The following NXPE2 variants were observed in gnomAD, a reference collection of about 807,000 sequenced individuals.
NXPE2 encodes NXPE family member 2.
NXPE2 carries 34 observed loss-of-function variants against 34.4 expected under a neutral mutation model. The observed-to-expected ratio is 0.99, with a 90% CI of 0.75 to 1.31. The LOEUF is 1.31. NXPE2 is among the 40% of genes most tolerant of loss of function. NXPE2 has a pLI of 0.00. For missense variants in NXPE2, 649 were observed against 672.5 expected (o/e 0.97, Z 0.39); for synonymous variants, 235 against 231.3 (o/e 1.02, Z -0.15).
chr11:114,662,072 C>T, the NXPE2 span, among the ~76,000 whole-genome samples: 2 of 152,158 alleles, frequency 1.3e-5, no homozygotes, highest in African/African-American at 4.8e-5. Context: ...AAAAGAAGCA[C>T]TTTTATAAGA....
chr11:114,522,994 G>T, the NXPE2 span: 204 of 1,612,828 alleles, frequency 1.3e-4, no homozygotes, highest in African/African-American at 2.2e-3. Flanking sequence ...ACTGAACCTG[G>T]TTGCAAAATG....
chr11:114,754,836 T>A, the NXPE2 span, among the ~76,000 whole-genome samples: 1 of 152,042 alleles, frequency 6.6e-6, no homozygotes, highest in African/African-American at 2.4e-5. Flanking sequence ...GATCCTGGGG[T>A]AGTAAGAAAT....
the NXPE2 span, among the ~76,000 whole-genome samples, chr11:114,778,431 G>T: frequency 6.6e-6 from 1 of 152,178 alleles, no homozygotes; most frequent in Non-Finnish European, 1.5e-5. Flanking sequence ...TCTTGTAAAA[G>T]GTCATTTTGG....
the NXPE2 span, among the ~76,000 whole-genome samples, chr11:114,611,243 A>C: frequency 2.4e-3 from 361 of 151,824 alleles, 1 homozygote; most frequent in Non-Finnish European, 3.8e-3. Context: ...CCAGTCAATA[A>C]TAGGTATTGC....
chr11:114,710,851 C>T (rs994036638), downstream of NXPE2, among the ~76,000 whole-genome samples: 4 of 151,998 alleles, frequency 2.6e-5, no homozygotes, highest in African/African-American at 9.7e-5. Context: ...AGAAGGAATA[C>T]TAGTAAACCA....
chr11:114,772,301 T>C, the NXPE2 span, among the ~76,000 whole-genome samples: 1 of 152,116 alleles, frequency 6.6e-6, no homozygotes, highest in African/African-American at 2.4e-5. Context: ...ACATTCGTGG[T>C]AATTAGTACA....
Position 114,698,322 on chromosome 11 carries a change from A to G in NXPE2, c.410A>G (p.Asp137Gly), listed in dbSNP as rs1951298022. 1 of 1,613,972 alleles carries G rather than the reference A, an allele frequency of 6.2e-7. No homozygotes were observed. Among genetic ancestry groups the G allele is most frequent in the South Asian group, 1.1e-5 (1 of 91,054 alleles). Residue 137 changes from aspartate to glycine, a missense_variant, in exon 3 of 6, where the codon GAC becomes GGC. By Grantham distance (94) the Asp-to-Gly change is moderately conservative (BLOSUM62 -1). Coordinates refer to ENST00000389586, the MANE Select transcript of NXPE2 (RefSeq NM_182495.6). ...DQLDILLEVRDHLGHRKQYGG... is the reference protein window; with the variant it reads ...DQLDILLEVRGHLGHRKQYGG... ...CTGGACATCCTTCTGGAGGTGAGGG[A>G]CCACTTGGGACACAGGAAGCAATAT... is the stretch of plus-strand genomic sequence containing the variant.
the NXPE2 span, among the ~76,000 whole-genome samples, chr11:114,508,567 A>G: frequency 1.3e-5 from 2 of 152,222 alleles, no homozygotes; most frequent in Admixed American, 1.3e-4. Flanking sequence ...GCCACAGAAT[A>G]GAGAACTCAG....
At chr11:114,734,823 G>T in the NXPE2 span, among the ~76,000 whole-genome samples, 1 of 152,024 alleles carries the variant, frequency 6.6e-6, no homozygotes, top group African/African-American at 2.4e-5. Context: ...AATAACCATT[G>T]CACGGCAGGG....
At chr11:114,522,974 A>T in the NXPE2 span, 2 of 1,613,600 alleles carry the variant, frequency 1.2e-6, no homozygotes, top group Admixed American at 1.7e-5. Flanking sequence ...ATTTATCTTA[A>T]TTGTGTCTAA....
At chr11:114,725,974 A>ATATAT in the NXPE2 span, among the ~76,000 whole-genome samples, 1,220 of 32,796 alleles carry the variant, frequency 0.037, 30 homozygotes, top group South Asian at 0.11. Flanking sequence ...TAATAAAAAA[A>ATATAT]AAATATATAT....
At chr11:114,637,742 T>C in the NXPE2 span, among the ~76,000 whole-genome samples, 2 of 151,626 alleles carry the variant, frequency 1.3e-5, no homozygotes, top group African/African-American at 2.4e-5. Flanking sequence ...TGGCTGGATA[T>C]GAAATTCTGG....
the NXPE2 span, among the ~76,000 whole-genome samples, chr11:114,504,679 T>C: frequency 6.6e-6 from 1 of 152,098 alleles, no homozygotes. Flanking sequence ...CCAGCTGGCT[T>C]AATATGCTTT....
rs564061522 is a variant in NXPE2, at chr11:114,699,654, G to GTCCTATATTT, written c.866+878_866+887dup. Among the ~76,000 whole-genome samples the GTCCTATATTT allele has an allele frequency of 7.3e-3, 1,114 of 152,130 alleles. 5 individuals are homozygous for GTCCTATATTT. Among genetic ancestry groups the GTCCTATATTT allele is most frequent in the South Asian group, 0.059 (286 of 4,812 alleles). ...TTCCATCTCCCTGAGTGAAGTTCTAGTCCTATATTTTTCCTTAGCATTTTG... is the reference window on the plus strand; with the variant it reads ...TTCCATCTCCCTGAGTGAAGTTCTAGTCCTATATTTTCCTATATTTTTCCTTAGCATTTTG... On this transcript the variant is annotated intron_variant, in intron 3 of 5. Coordinates refer to ENST00000389586, the MANE Select transcript of NXPE2 (RefSeq NM_182495.6).
chr11:114,718,816 T>C, the NXPE2 span, among the ~76,000 whole-genome samples: 1 of 152,322 alleles, frequency 6.6e-6, no homozygotes, highest in African/African-American at 2.4e-5. Flanking sequence ...AGGTAGCTAG[T>C]GTAGACATAT....
At chr11:114,635,215 T>A in the NXPE2 span, among the ~76,000 whole-genome samples, 8 of 150,156 alleles carry the variant, frequency 5.3e-5, no homozygotes, top group Non-Finnish European at 1.2e-4. Flanking sequence ...TATTTTATTA[T>A]CTTTGAAGCA....
chr11:114,724,948 G>A, the NXPE2 span, among the ~76,000 whole-genome samples: 13 of 135,820 alleles, frequency 9.6e-5, 1 homozygote, highest in African/African-American at 3.6e-4. Flanking sequence ...TGCCATAACA[G>A]TGCTAGGCTT....
downstream of NXPE2, among the ~76,000 whole-genome samples, chr11:114,707,729 T>C (rs1346940019): frequency 2.0e-5 from 3 of 152,250 alleles, no homozygotes; most frequent in South Asian, 2.1e-4. Context: ...GCAACCGCCA[T>C]TGTATTTTCT....
the NXPE2 span, among the ~76,000 whole-genome samples, chr11:114,715,452 A>G: frequency 3.9e-5 from 6 of 152,220 alleles, no homozygotes; most frequent in Admixed American, 1.3e-4. Context: ...AACCTCTTTT[A>G]CATTCAATAA....
Sources: allele counts gnomAD v4.1 joint callset (sites outside exome capture counted in the v4.1 genomes callset), GRCh38; gene constraint gnomAD v4.1.1; transcripts MANE v1.5; gene names NCBI Gene and HGNC (gene_info 2026-07-23, HGNC 2026-07-21).